The following TMX4 variants were observed in gnomAD, a reference collection of about 807,000 sequenced individuals.
The protein encoded by TMX4 is thioredoxin-related transmembrane protein 4.
TMX4 carries 23 observed loss-of-function variants against 33.3 expected under a neutral mutation model. The ratio of observed to expected loss-of-function variants is 0.69; its 90% CI spans 0.50 to 0.98. The LOEUF is 0.98. TMX4 is among the 50% of genes least tolerant of loss of function. TMX4 has a pLI of 0.00. For missense variants in TMX4, 399 were observed against 448.9 expected (o/e 0.89, Z 1.01); for synonymous variants, 164 against 161.5 (o/e 1.02, Z -0.12).
chr20:8,012,664 A>C (rs2050757706), intron 1 of TMX4, among the ~76,000 whole-genome samples: 1 of 152,188 alleles, frequency 6.6e-6, no homozygotes, highest in South Asian at 2.1e-4. Flanking sequence ...TTGCATATAA[A>C]TCACAGGCAC....
At chr20:8,008,617 G>A (rs2050740109) in intron 2 of TMX4, among the ~76,000 whole-genome samples, 1 of 152,126 alleles carries the variant, frequency 6.6e-6, no homozygotes. Context: ...ATTCTGAGCA[G>A]GTGTGCCAAA....
intron 4 of TMX4, among the ~76,000 whole-genome samples, chr20:7,999,333 A>G (rs1447483083): frequency 1.3e-5 from 2 of 152,254 alleles, no homozygotes; most frequent in African/African-American, 2.4e-5. Context: ...TGTTTTCCAC[A>G]TAATATATAA....
Position 8,019,482 on chromosome 20 carries a change from G to T in TMX4, c.132C>A (p.Ala44=). The T allele has an allele frequency of 6.6e-7, 1 of 1,515,014 alleles. No homozygotes were observed. Among genetic ancestry groups the T allele is most frequent in the Admixed American group, 2.1e-5 (1 of 47,028 alleles). The allele number at this position is 1,515,014 out of a possible 1,614,324, so 93.8% of individuals were successfully genotyped here. ...CCTCCATCACCAGCGTCCAGTTGGAGGCGGTCATGGGCTGGACCCGGCTCT... is the reference window on the plus strand; with the variant it reads ...CCTCCATCACCAGCGTCCAGTTGGATGCGGTCATGGGCTGGACCCGGCTCT... The part of the protein sequence containing the change: ...PEQSRVQPMT[A]SNWTLVMEGE... Residue 44 remains alanine (A), a synonymous_variant, in exon 1 of 8, where the codon GCC becomes GCA. Coordinates refer to ENST00000246024, the MANE Select transcript of TMX4 (RefSeq NM_021156.4).
rs2050597440 is a variant in TMX4, at chr20:7,979,791, T to G, written c.*2460A>C. Reference sequence around the variant, plus strand: ...TTCTTATTATATAATTAGATATAGGTCAAATATCCCTTATCCAAAATGTGT... The same window carrying G: ...TTCTTATTATATAATTAGATATAGGGCAAATATCCCTTATCCAAAATGTGT... On this transcript the variant is annotated 3_prime_UTR_variant, in exon 8 of 8. Coordinates refer to ENST00000246024, the MANE Select transcript of TMX4 (RefSeq NM_021156.4). 6.6e-6 allele frequency: 1 copy of G among 151,388 alleles called. No individual in the cohort carries two copies. Among genetic ancestry groups the G allele is most frequent in the Non-Finnish European group, 1.5e-5 (1 of 67,778 alleles). 9.4% of individuals were successfully genotyped at this position (151,388 alleles called of 1,614,324 possible). A position where few individuals can be genotyped will look rare whatever the true frequency, so the allele number is the denominator to read the frequency against.
chr20:8,004,057 G>A (rs1306506516), intron 2 of TMX4, among the ~76,000 whole-genome samples: 2 of 151,164 alleles, frequency 1.3e-5, no homozygotes, highest in African/African-American at 2.4e-5. Context: ...CAGAACAGTC[G>A]AAGTCTTCCT....
intron 6 of TMX4, 28 bp from the exon 7 acceptor site, chr20:7,983,885 GAATA>G (rs2050619765): frequency 1.3e-6 from 2 of 1,569,800 alleles, no homozygotes; most frequent in East Asian, 2.2e-5. Flanking sequence ...ATTTTACAGT[GAATA>G]GATAGGACAT....
intron 5 of TMX4, among the ~76,000 whole-genome samples, chr20:7,989,422 A>T (rs1000104146): frequency 6.6e-6 from 1 of 152,192 alleles, no homozygotes; most frequent in Non-Finnish European, 1.5e-5. Context: ...ACTCTCAAGA[A>T]ACTTTCTAAA....
At chr20:7,989,554 T>G (rs181935247) in intron 5 of TMX4, among the ~76,000 whole-genome samples, 11 of 152,358 alleles carry the variant, frequency 7.2e-5, no homozygotes, top group African/African-American at 2.6e-4. Flanking sequence ...TGTATCAATT[T>G]CCTCTTTAAC....
At chr20:7,993,519 A>G (rs2050663762) in intron 5 of TMX4, among the ~76,000 whole-genome samples, 1 of 152,158 alleles carries the variant, frequency 6.6e-6, no homozygotes, top group African/African-American at 2.4e-5. Context: ...AGGCAAGACC[A>G]TAACTAAAGG....
chr20:7,998,438 C>T (rs906404699), intron 4 of TMX4, among the ~76,000 whole-genome samples: 1 of 152,164 alleles, frequency 6.6e-6, no homozygotes, highest in African/African-American at 2.4e-5. Context: ...CCCACATCCC[C>T]ACTGCTGCCA....
At position 7,996,058 on chromosome 20, in the gene TMX4, C is replaced by A; in HGVS notation, c.481G>T (p.Ala161Ser). ...TTGCCAGAGATGCTAAAAAGACCAG[C>A]CATTCCAGACATCCTTAAAAAAAAA... ...SPASLTMSGM[A>S]GLFSISGKIW... The change falls in exon 5 of 8, where the codon GCT becomes TCT. Residue 161 changes from alanine (A) to serine (S), a missense_variant. Transcript: ENST00000246024. 1.2e-6 allele frequency: 2 copies of A among 1,610,386 alleles called. No homozygotes were observed. Among genetic ancestry groups the A allele is most frequent in the Non-Finnish European group, 1.7e-6 (2 of 1,178,220 alleles).
chr20:7,996,982 A>C (rs2050679136), intron 4 of TMX4, among the ~76,000 whole-genome samples: 1 of 152,156 alleles, frequency 6.6e-6, no homozygotes, highest in Non-Finnish European at 1.5e-5. Flanking sequence ...TGTTTCATTC[A>C]ATGTCCATGT....
chr20:8,017,759 C>G (rs1239228624), intron 1 of TMX4, among the ~76,000 whole-genome samples: 1 of 152,194 alleles, frequency 6.6e-6, no homozygotes, highest in African/African-American at 2.4e-5. Flanking sequence ...TTATCCCAAA[C>G]TCTTAAAATT....
At chr20:7,990,750 C>G (rs73088309) in intron 5 of TMX4, among the ~76,000 whole-genome samples, 1,711 of 152,290 alleles carry the variant, frequency 0.011, 20 homozygotes, top group Non-Finnish European at 0.015. Flanking sequence ...GGAACAAGCC[C>G]TTTATCTCTT....
chr20:8,007,305 A>C (rs1408460432), intron 2 of TMX4, among the ~76,000 whole-genome samples: 1 of 151,996 alleles, frequency 6.6e-6, no homozygotes, highest in African/African-American at 2.4e-5. Flanking sequence ...CCATCTGGCA[A>C]CCAATCCATC....
At chr20:7,996,510 G>A (rs1234967924) in intron 4 of TMX4, among the ~76,000 whole-genome samples, 2 of 152,050 alleles carry the variant, frequency 1.3e-5, no homozygotes, top group Non-Finnish European at 2.9e-5. Context: ...CAGCTAACAA[G>A]CACTCCTCAT....
chr20:8,012,343 G>C (rs1223408110), intron 1 of TMX4, among the ~76,000 whole-genome samples: 1 of 152,066 alleles, frequency 6.6e-6, no homozygotes, highest in Admixed American at 6.6e-5. Flanking sequence ...TATTTAATAG[G>C]AGCAACCATT....
chr20:7,986,826 G>C (rs1370924778), intron 6 of TMX4, among the ~76,000 whole-genome samples: 1 of 152,128 alleles, frequency 6.6e-6, no homozygotes, highest in African/African-American at 2.4e-5. Context: ...GAAAACCAGA[G>C]TGTATGCATA....
intron 1 of TMX4, 39 bp downstream of exon 1, chr20:8,019,399 G>A (rs1447946354): frequency 7.3e-6 from 11 of 1,506,768 alleles, no homozygotes; most frequent in Non-Finnish European, 7.1e-6. Flanking sequence ...TGACGCCCGC[G>A]AGGACACTGC....
Sources: allele counts gnomAD v4.1 joint callset (sites outside exome capture counted in the v4.1 genomes callset), GRCh38; gene constraint gnomAD v4.1.1; transcripts MANE v1.5; gene names NCBI Gene and HGNC (gene_info 2026-07-23, HGNC 2026-07-21).